The following PPP2R3A variants were observed in gnomAD, a reference collection of about 807,000 sequenced individuals.
PPP2R3A encodes the protein serine/threonine-protein phosphatase 2A regulatory subunit B'' subunit alpha.
In PPP2R3A, 80 loss-of-function variants were observed where a neutral mutation model predicts 106.9. That is an observed-to-expected ratio of 0.75 (90% CI 0.62 to 0.90). The LOEUF (loss-of-function observed/expected upper bound fraction) is 0.90, where lower values mean the gene tolerates loss of function less well. Ranked by LOEUF, PPP2R3A falls within the 40% of genes least tolerant of loss-of-function variation. The probability of loss-of-function intolerance (pLI) is 0.00; values close to 1 mark genes in which losing one functional copy is unlikely to be tolerated. For synonymous variants in PPP2R3A, 483 were observed against 468.3 expected (o/e 1.03, Z -0.41); for missense variants, 1,386 against 1,350.4 (o/e 1.03, Z -0.41).
chr3:136,030,778 A>ATATATATATATATATATGTATG (rs1206335696), intron 3 of PPP2R3A, among the ~76,000 whole-genome samples: 97 of 111,268 alleles, frequency 8.7e-4, no homozygotes, highest in Non-Finnish European at 1.4e-3. Flanking sequence ...ATATATATAT[A>ATATATATATATATATATGTATG]TATGTATGTA....
rs147946150 is a variant in PPP2R3A at position 136,135,164 on chromosome 3, C to T, written c.3330-9879C>T. Among the ~76,000 whole-genome samples the T allele has an allele frequency of 3.3e-5, 5 of 152,030 alleles. No individual in the cohort carries two copies. In the East Asian group the frequency reaches 9.7e-4, roughly 29 times the overall value. On this transcript the variant is annotated intron_variant, in intron 13 of 13. Transcript: ENST00000264977. ...GGTGAGGAGGGGTCACAAGAGGAGA[C>T]GCAGAGACCAGCTGGAGTGAAATTC... is the stretch of plus-strand genomic sequence containing the variant.
intron 1 of PPP2R3A, among the ~76,000 whole-genome samples, chr3:135,974,371 C>T (rs1157105016): frequency 6.6e-6 from 1 of 152,168 alleles, no homozygotes; most frequent in Non-Finnish European, 1.5e-5. Context: ...ACTGCAGTAA[C>T]GTCTTTTCCT....
intron 1 of PPP2R3A, among the ~76,000 whole-genome samples, chr3:135,990,364 G>A (rs1933107489): frequency 6.6e-6 from 1 of 152,058 alleles, no homozygotes; most frequent in African/African-American, 2.4e-5. Flanking sequence ...AGTTCTAAAA[G>A]GAATTGTCAC....
chr3:135,974,391 CCTT>C (rs1241151793), intron 1 of PPP2R3A, among the ~76,000 whole-genome samples: 1 of 152,142 alleles, frequency 6.6e-6, no homozygotes, highest in African/African-American at 2.4e-5. Flanking sequence ...TTGCTTATGT[CCTT>C]CTCTGACGGC....
chr3:136,124,550 T>C (rs1938112849), intron 13 of PPP2R3A, among the ~76,000 whole-genome samples: 1 of 151,908 alleles, frequency 6.6e-6, no homozygotes, highest in South Asian at 2.1e-4. Context: ...GGGACAGTTA[T>C]CACTTAGAAA....
At chr3:136,039,641 T>A (rs541451643) in intron 3 of PPP2R3A, among the ~76,000 whole-genome samples, 8 of 152,292 alleles carry the variant, frequency 5.3e-5, no homozygotes, top group Admixed American at 5.2e-4. Context: ...GGAGCTCAGG[T>A]GGTACTGCTC....
intron 2 of PPP2R3A, among the ~76,000 whole-genome samples, chr3:136,019,844 C>T (rs1486659616): frequency 6.6e-6 from 1 of 152,086 alleles, no homozygotes; most frequent in Admixed American, 6.5e-5. Flanking sequence ...CCAATTATTT[C>T]CTCATCAAAA....
At position 136,026,999 on chromosome 3, in the gene PPP2R3A, C is replaced by T. The variant is rs1208831296; in HGVS notation, c.2163C>T (p.Thr721=). ...ACTTTCCTGAAGGACTCCCAGATAC[C>T]TGTAGTAATCATGAACAAACTCTAA... ...RFYFPEGLPD[T]CSNHEQTLSR... Residue 721 remains threonine (T), a synonymous_variant, in exon 3 of 14, where the codon ACC becomes ACT. Transcript: ENST00000264977. 1 of 1,612,548 alleles carries T rather than the reference C, an allele frequency of 6.2e-7. No homozygotes were observed. The highest frequency in any genetic ancestry group is 8.5e-7 in the Non-Finnish European group (1 of 1,178,652).
At chr3:136,125,587 C>T (rs921616293) in intron 13 of PPP2R3A, among the ~76,000 whole-genome samples, 2 of 152,096 alleles carry the variant, frequency 1.3e-5, no homozygotes, top group Non-Finnish European at 2.9e-5. Context: ...TGGCTCACGC[C>T]TGTAATCCTG....
intron 2 of PPP2R3A, among the ~76,000 whole-genome samples, chr3:136,022,542 T>A (rs984644615): frequency 4.6e-5 from 7 of 152,274 alleles, no homozygotes; most frequent in East Asian, 1.9e-4. Flanking sequence ...TTCTTTTTTT[T>A]ATAAAATATT....
chr3:136,059,807 GAA>G (rs1936015448), intron 5 of PPP2R3A, among the ~76,000 whole-genome samples: 1 of 152,202 alleles, frequency 6.6e-6, no homozygotes. Context: ...CCATAAAAAA[GAA>G]AGAGATCATG....
At chr3:136,006,717 A>G (rs1043246118) in intron 2 of PPP2R3A, among the ~76,000 whole-genome samples, 6 of 152,216 alleles carry the variant, frequency 3.9e-5, no homozygotes, top group Admixed American at 3.3e-4. Context: ...TTAACATTTT[A>G]CTGTTTGCTT....
chr3:136,008,966 C>T (rs1933946966), intron 2 of PPP2R3A, among the ~76,000 whole-genome samples: 1 of 151,996 alleles, frequency 6.6e-6, no homozygotes, highest in African/African-American at 2.4e-5. Flanking sequence ...TCCAGATCAC[C>T]CCCCATCCCC....
intron 3 of PPP2R3A, among the ~76,000 whole-genome samples, chr3:136,039,066 C>T (rs1935173186): frequency 1.3e-5 from 2 of 152,132 alleles, no homozygotes; most frequent in African/African-American, 4.8e-5. Context: ...ATGAACCCAG[C>T]AGCCTGGATG....
At chr3:136,140,442 T>TAAA (rs199699500) in intron 13 of PPP2R3A, among the ~76,000 whole-genome samples, 3 of 87,236 alleles carry the variant, frequency 3.4e-5, no homozygotes, top group African/African-American at 4.8e-5. Flanking sequence ...TGAGACTCTT[T>TAAA]AAAAAAAAAA....
At chr3:136,033,742 G>C (rs912276912) in intron 3 of PPP2R3A, among the ~76,000 whole-genome samples, 15 of 151,948 alleles carry the variant, frequency 9.9e-5, no homozygotes, top group African/African-American at 3.6e-4. Context: ...CTCCTGTTTT[G>C]TTTCTTATTG....
rs189313302 is a variant in PPP2R3A, at chr3:135,966,614, A to T, written c.-441+765A>T. Among the ~76,000 whole-genome samples, 6 of 151,330 alleles carry T rather than the reference A, an allele frequency of 4.0e-5. No homozygotes were observed. The East Asian group carries it at 7.9e-4, about 20-fold the overall frequency. The stretch of plus-strand genomic sequence containing the variant: ...ACTCTGTTGTGCTCCCGTTATTCCC[A>T]GTCCTCCCACTCTGGTAAAGCTTAA... On this transcript the variant is annotated intron_variant, in intron 1 of 13. Coordinates refer to ENST00000264977, the MANE Select transcript of PPP2R3A (RefSeq NM_002718.5).
At chr3:136,076,603 T>A (rs1240259267) in intron 6 of PPP2R3A, among the ~76,000 whole-genome samples, 1 of 152,166 alleles carries the variant, frequency 6.6e-6, no homozygotes, top group African/African-American at 2.4e-5. Flanking sequence ...CTTTGTTATG[T>A]AACTTTCAAA....
chr3:136,067,245 A>G (rs1203697847), intron 5 of PPP2R3A, among the ~76,000 whole-genome samples: 1 of 152,226 alleles, frequency 6.6e-6, no homozygotes, highest in Non-Finnish European at 1.5e-5. Flanking sequence ...AAAAATCAAT[A>G]GATTTGCCAC....
Sources: gnomAD v4.1 joint callset for allele counts (sites outside exome capture counted in the v4.1 genomes callset) on GRCh38, gnomAD v4.1.1 for gene constraint, MANE v1.5 for transcripts, NCBI Gene and HGNC (gene_info 2026-07-23, HGNC 2026-07-21) for gene names.